The following SLC38A9 variants were observed in gnomAD, a reference collection of about 807,000 sequenced individuals.
SLC38A9 encodes the protein neutral amino acid transporter 9.
In SLC38A9, 48 loss-of-function variants were observed where a neutral mutation model predicts 62.3. That is an observed-to-expected ratio of 0.77 (90% CI 0.61 to 0.98). The LOEUF (loss-of-function observed/expected upper bound fraction) is 0.98. SLC38A9 is among the 50% of genes least tolerant of loss of function. SLC38A9 has a pLI of 0.00. For missense variants in SLC38A9, 541 were observed against 679.8 expected (o/e 0.80, Z 2.27); for synonymous variants, 204 against 227.7 (o/e 0.90, Z 0.94).
chr5:55,689,121 C>T (rs1754376301), intron 3 of SLC38A9, among the ~76,000 whole-genome samples: 1 of 151,966 alleles, frequency 6.6e-6, no homozygotes, highest in African/African-American at 2.4e-5. Flanking sequence ...GATAATATAC[C>T]AAGATAAACT....
chr5:55,702,798 TTTC>T (rs1756833216), intron 2 of SLC38A9: 1 of 152,168 alleles, frequency 6.6e-6, no homozygotes, highest in Admixed American at 6.5e-5. Context: ...ATATGTGCAT[TTTC>T]TTTTCTCTGT....
intron 12 of SLC38A9, among the ~76,000 whole-genome samples, chr5:55,643,892 T>G (rs1284170285): frequency 2.0e-5 from 3 of 152,264 alleles, no homozygotes; most frequent in African/African-American, 7.2e-5. Context: ...TCTTTATGTT[T>G]AATATAAATT....
intron 2 of SLC38A9, among the ~76,000 whole-genome samples, chr5:55,709,849 G>C (rs113649727): frequency 0.03 from 4,623 of 151,934 alleles, 86 homozygotes; most frequent in Middle Eastern, 0.058. Flanking sequence ...GGCAGATCAA[G>C]AGGTCAGGAG....
At chr5:55,678,059 G>C (rs977378057) in intron 3 of SLC38A9, among the ~76,000 whole-genome samples, 1 of 151,006 alleles carries the variant, frequency 6.6e-6, no homozygotes, top group East Asian at 1.9e-4. Context: ...AAAAGTAGAA[G>C]AGAGGAGAGC....
intron 11 of SLC38A9, among the ~76,000 whole-genome samples, chr5:55,647,929 T>C (rs549247467): frequency 1.3e-5 from 2 of 152,308 alleles, no homozygotes; most frequent in African/African-American, 4.8e-5. Flanking sequence ...TGCCAAATAA[T>C]ATCCCATTGT....
intron 10 of SLC38A9, among the ~76,000 whole-genome samples, chr5:55,651,642 A>T (rs2150178598): frequency 6.6e-6 from 1 of 152,304 alleles, no homozygotes; most frequent in Admixed American, 6.5e-5. Flanking sequence ...AGAAGGCAAT[A>T]GCGTTCTAAG....
At chr5:55,673,764 T>C (rs1490870990) in intron 3 of SLC38A9, among the ~76,000 whole-genome samples, 1 of 149,658 alleles carries the variant, frequency 6.7e-6, no homozygotes, top group Non-Finnish European at 1.5e-5. Context: ...TAGGCTGGAG[T>C]GCAGTGGTGC....
intron 8 of SLC38A9, among the ~76,000 whole-genome samples, chr5:55,657,112 C>G (rs6879735): frequency 0.55 from 83,057 of 151,996 alleles, 24,053 homozygotes; most frequent in South Asian, 0.65. Context: ...CCACCCACCT[C>G]GGCCTCCCAA....
intron 2 of SLC38A9, among the ~76,000 whole-genome samples, chr5:55,700,141 G>C (rs996257999): frequency 2.6e-5 from 4 of 152,004 alleles, no homozygotes; most frequent in African/African-American, 9.7e-5. Context: ...AGGAATTCGA[G>C]ACCTGCCTGG....
intron 2 of SLC38A9, among the ~76,000 whole-genome samples, chr5:55,699,646 TAA>T (rs1756384854): frequency 6.6e-6 from 1 of 152,088 alleles, no homozygotes; most frequent in Non-Finnish European, 1.5e-5. Flanking sequence ...TTCCTATGTT[TAA>T]ATAAATAACA....
At chr5:55,702,626 GA>G (rs1756816385) in intron 2 of SLC38A9, 3 of 151,802 alleles carry the variant, frequency 2.0e-5, no homozygotes, top group Admixed American at 2.0e-4. Context: ...AAAACCAAAT[GA>G]AAATACTTGC....
At chr5:55,628,007 G>T in intron 14 of SLC38A9, 27 bp from the exon 15 acceptor site, 2 of 1,530,710 alleles carry the variant, frequency 1.3e-6, no homozygotes, top group Non-Finnish European at 1.8e-6. Flanking sequence ...GAGTTTGGAA[G>T]AAAGAAAAAA....
intron 4 of SLC38A9, among the ~76,000 whole-genome samples, chr5:55,670,898 A>G (rs2150348752): frequency 6.6e-6 from 1 of 152,254 alleles, no homozygotes; most frequent in African/African-American, 2.4e-5. Flanking sequence ...AAAAATTGGG[A>G]AAAAAATTAT....
At chr5:55,681,290 A>G (rs1752963183) in intron 3 of SLC38A9, among the ~76,000 whole-genome samples, 3 of 152,246 alleles carry the variant, frequency 2.0e-5, no homozygotes, top group Admixed American at 2.0e-4. Context: ...TTAATATTAA[A>G]ACACTCTTAA....
chr5:55,672,945 C>T (rs1456764185), intron 3 of SLC38A9: 12 of 356,668 alleles, frequency 3.4e-5, no homozygotes, highest in East Asian at 2.2e-4. Flanking sequence ...ATTTAGCAAC[C>T]GAGAAGACAA....
chr5:55,649,809 G>T (rs180916110), intron 10 of SLC38A9, among the ~76,000 whole-genome samples: 1 of 151,964 alleles, frequency 6.6e-6, no homozygotes, highest in East Asian at 1.9e-4. Context: ...GCAACAGAGC[G>T]AGACTCCATC....
chr5:55,646,911 C>T lies in SLC38A9; in HGVS notation c.1061-1016G>A, dbSNP rs150139321. ...GATTATAGGTGCATGCCACCACACC[C>T]AGCTAAGTTTAAAAGAATTATTTTT... is the stretch of plus-strand genomic sequence containing the variant. On this transcript the variant is annotated intron_variant, in intron 11 of 15. Coordinates refer to ENST00000396865, the MANE Select transcript of SLC38A9 (RefSeq NM_173514.4). Among the ~76,000 whole-genome samples, 804 of 152,202 alleles carry T rather than the reference C, an allele frequency of 5.3e-3. 2 individuals carry two copies. The highest frequency in any genetic ancestry group is 8.6e-3 in the Non-Finnish European group (587 of 68,004).
In SLC38A9 at chr5:55,672,650, G is replaced by C; in HGVS notation, c.159C>G (p.Val53=). The stretch of plus-strand genomic sequence containing the variant: ...AGGCATGGTCACTAACCCTCTGAAT[G>C]ACATGATTCACATTCACGATGTTTG... ...EPTNIVNVNH[V]IQRVSDHASA... Residue 53 remains valine, a synonymous_variant, in exon 4 of 16, where the codon GTC becomes GTG. Transcript: ENST00000396865. The C allele has an allele frequency of 6.2e-7, 1 of 1,614,076 alleles. No homozygotes were observed.
At chr5:55,687,065 G>GTTTTTTTTTTTTTTTTT (rs56912932) in intron 3 of SLC38A9, among the ~76,000 whole-genome samples, 1 of 125,704 alleles carries the variant, frequency 8.0e-6, no homozygotes, top group Non-Finnish European at 1.7e-5. Flanking sequence ...CTCCAGCTTT[G>GTTTTTTTTTTTTTTTTT]TTTTTTTTTT....
Sources: gnomAD v4.1 joint callset for allele counts (sites outside exome capture counted in the v4.1 genomes callset) on GRCh38, gnomAD v4.1.1 for gene constraint, MANE v1.5 for transcripts, NCBI Gene and HGNC (gene_info 2026-07-23, HGNC 2026-07-21) for gene names.